Variants in SOX6 observed in about 807,000 individuals in gnomAD.
The protein encoded by SOX6 is transcription factor SOX-6.
In SOX6, 11 loss-of-function variants were observed where a neutral mutation model predicts 97.8. That is an observed-to-expected ratio of 0.11 (90% confidence interval 0.07 to 0.19). SOX6 has a LOEUF of 0.19. Ranked by LOEUF, SOX6 falls within the 10% of genes least tolerant of loss-of-function variation. The probability of loss-of-function intolerance (pLI) is 1.00; values close to 1 mark genes in which losing one functional copy is unlikely to be tolerated. For missense variants in SOX6, 810 were observed against 1,039.5 expected, an observed-to-expected ratio of 0.78 and a Z score of 3.04; for synonymous variants, 360 against 371.4, an observed-to-expected ratio of 0.97 and a Z score of 0.35.
intron 1 of SOX6, among the ~76,000 whole-genome samples, chr11:16,399,978 C>T (rs1858504036): frequency 6.6e-6 from 1 of 151,288 alleles, no homozygotes; most frequent in African/African-American, 2.4e-5. Flanking sequence ...AAAAAGGATT[C>T]TTAACTTAAA....
At chr11:16,369,254 CT>C (rs149385101) in intron 1 of SOX6, among the ~76,000 whole-genome samples, 7 of 152,234 alleles carry the variant, frequency 4.6e-5, no homozygotes, top group Non-Finnish European at 1.0e-4. Flanking sequence ...AGCTAACTCC[CT>C]ATTCAAGTAA....
chr11:16,455,732 T>C (rs1859798816), intron 1 of SOX6, among the ~76,000 whole-genome samples: 2 of 152,090 alleles, frequency 1.3e-5, no homozygotes, highest in South Asian at 4.1e-4. Context: ...TCCATTGGCA[T>C]TTTAATACAA....
chr11:16,149,230 G>A (rs1458503691), intron 6 of SOX6, among the ~76,000 whole-genome samples: 1 of 151,936 alleles, frequency 6.6e-6, no homozygotes, highest in Non-Finnish European at 1.5e-5. Flanking sequence ...AATTTTCAAG[G>A]GCAGTTATTT....
At chr11:16,108,080 G>A (rs1849140569) in intron 7 of SOX6, among the ~76,000 whole-genome samples, 1 of 152,118 alleles carries the variant, frequency 6.6e-6, no homozygotes, top group Admixed American at 6.6e-5. Context: ...ACATTTCTTA[G>A]ATGACAAAAA....
intron 9 of SOX6, among the ~76,000 whole-genome samples, chr11:16,065,546 G>A (rs1251054674): frequency 1.3e-5 from 2 of 151,780 alleles, no homozygotes; most frequent in Non-Finnish European, 2.9e-5. Flanking sequence ...GCATAGTACT[G>A]GCATAAAAAC....
At chr11:16,034,651 A>G (rs1394011178) in intron 12 of SOX6, among the ~76,000 whole-genome samples, 1 of 152,226 alleles carries the variant, frequency 6.6e-6, no homozygotes, top group Non-Finnish European at 1.5e-5. Context: ...AATCAAGTAT[A>G]GTAATACCCA....
intron 3 of SOX6, chr11:16,313,314 T>C (rs2134293090): frequency 6.6e-6 from 1 of 152,254 alleles, no homozygotes; most frequent in Middle Eastern, 3.4e-3. Context: ...GGGAGAGGTA[T>C]TTAGTCTGAT....
At position 16,014,933 on chromosome 11, in the gene SOX6, G is replaced by T. The variant is rs1854837168; in HGVS notation, c.1732+9C>A. 6.2e-7 allele frequency: 1 copy of T among 1,609,966 alleles called. No individual in the cohort carries two copies. Among genetic ancestry groups the T allele is most frequent in the African/African-American group, 1.3e-5 (1 of 74,752 alleles). On this transcript the variant is annotated intron_variant, in intron 13 of 15. Transcript: ENST00000683767. ...AGCAGCAGAAAAGAACTAGAGAAAA[G>T]CCACTCACCCTCTGCATCTTCTGGC...
chr11:16,525,903 T>G (rs1220358939), intron 4 of SOX6, among the ~76,000 whole-genome samples: 1 of 152,116 alleles, frequency 6.6e-6, no homozygotes, highest in Non-Finnish European at 1.5e-5. Context: ...TCACTGGCCA[T>G]CAGAGAAATG....
At chr11:16,199,408 G>A (rs919341849) in intron 4 of SOX6, among the ~76,000 whole-genome samples, 3 of 152,122 alleles carry the variant, frequency 2.0e-5, no homozygotes, top group Non-Finnish European at 4.4e-5. Context: ...ATGATGCTGA[G>A]GAAGGTTAAA....
intron 2 of SOX6, among the ~76,000 whole-genome samples, chr11:16,716,880 G>C (rs569851608): frequency 6.6e-6 from 1 of 152,218 alleles, no homozygotes; most frequent in South Asian, 2.1e-4. Flanking sequence ...TAGAAGTCAG[G>C]ATAGTTACCT....
At chr11:16,030,507 C>A (rs1429037255) in intron 12 of SOX6, among the ~76,000 whole-genome samples, 1 of 152,076 alleles carries the variant, frequency 6.6e-6, no homozygotes, top group Non-Finnish European at 1.5e-5. Flanking sequence ...TTTAATACTG[C>A]CTCAAATATC....
At chr11:16,179,226 T>C (rs1365149927) in intron 6 of SOX6, among the ~76,000 whole-genome samples, 1 of 151,898 alleles carries the variant, frequency 6.6e-6, no homozygotes, top group Non-Finnish European at 1.5e-5. Context: ...TATGTTTAAT[T>C]GTTTAAGGAC....
At chr11:16,093,375 T>C (rs1409818748) in intron 9 of SOX6, among the ~76,000 whole-genome samples, 5 of 152,014 alleles carry the variant, frequency 3.3e-5, no homozygotes, top group African/African-American at 1.2e-4. Context: ...TTACGGAATC[T>C]TCCTTATTTT....
chr11:16,455,984 G>A (rs1158004349), intron 1 of SOX6, among the ~76,000 whole-genome samples: 1 of 151,802 alleles, frequency 6.6e-6, no homozygotes, highest in Non-Finnish European at 1.5e-5. Context: ...TAATGAATGG[G>A]CAACTAAAAA....
At chr11:16,640,695 C>T (rs901931157) in intron 3 of SOX6, among the ~76,000 whole-genome samples, 12 of 152,056 alleles carry the variant, frequency 7.9e-5, no homozygotes, top group African/African-American at 1.2e-4. Context: ...AGTTAATTTG[C>T]GTAGAGGTGT....
At chr11:16,297,715 A>G (rs957566089) in intron 3 of SOX6, among the ~76,000 whole-genome samples, 4 of 152,198 alleles carry the variant, frequency 2.6e-5, no homozygotes, top group African/African-American at 2.4e-5. Flanking sequence ...CTGATTAAAT[A>G]TATCACTTTT....
intron 3 of SOX6, among the ~76,000 whole-genome samples, chr11:16,699,914 A>T (rs1338691890): frequency 6.6e-6 from 1 of 152,070 alleles, no homozygotes; most frequent in Non-Finnish European, 1.5e-5. Flanking sequence ...AATATTTATT[A>T]AGTACCCACT....
At chr11:16,534,610 A>ACTT in intron 4 of SOX6, among the ~76,000 whole-genome samples, 1 of 152,276 alleles carries the variant, frequency 6.6e-6, no homozygotes, top group African/African-American at 2.4e-5. Flanking sequence ...AAACTATGCC[A>ACTT]CTTCACTCAT....
Sources: gnomAD v4.1 joint callset for allele counts (sites outside exome capture counted in the v4.1 genomes callset) on GRCh38, gnomAD v4.1.1 for gene constraint, MANE v1.5 for transcripts, NCBI Gene and HGNC (gene_info 2026-07-23, HGNC 2026-07-21) for gene names.